The following ABCC10 variants were observed in gnomAD, a reference collection of about 807,000 sequenced individuals.
ABCC10 encodes the protein ATP-binding cassette sub-family C member 10.
ABCC10 carries 110 observed loss-of-function variants against 143.2 expected under a neutral mutation model. The ratio of observed to expected loss-of-function variants is 0.77; its 90% CI spans 0.66 to 0.90. The LOEUF (loss-of-function observed/expected upper bound fraction) is 0.90. Among genes scored for constraint, ABCC10 ranks in the 40% least tolerant of loss-of-function variants. ABCC10 has a pLI of 0.00. For synonymous variants in ABCC10, 805 were observed against 846.7 expected (o/e 0.95, Z 0.85); for missense variants, 1,700 against 1,900.5 (o/e 0.89, Z 1.96).
chr6:43,448,632 A>T (rs1332336103), intron 18 of ABCC10, among the ~76,000 whole-genome samples: 2 of 152,120 alleles, frequency 1.3e-5, no homozygotes. Flanking sequence ...CACCTCCGTG[A>T]AATGTAGGCA....
chr6:43,449,959 G>T lies in ABCC10; in HGVS notation c.4347G>T (p.Val1449=), dbSNP rs1783599801. The T allele has an allele frequency of 6.2e-7, 1 of 1,613,958 alleles. No homozygotes were observed. Among genetic ancestry groups the T allele is most frequent in the Non-Finnish European group, 8.5e-7 (1 of 1,180,010 alleles). The change falls in exon 22 of 22, where the codon GTG becomes GTT. Residue 1449 remains valine, a synonymous_variant. Transcript: ENST00000372530. ...RLNTILNSDR[V]LVLQAGRVVE... ...ACACGATCCTGAACTCAGACCGGGT[G>T]CTGGTGCTACAAGCGGGGAGAGTGG...
chr6:43,429,354 C>CTTTCT (rs1447074957), intron 2 of ABCC10, among the ~76,000 whole-genome samples: 3 of 4,046 alleles, frequency 7.4e-4, no homozygotes, highest in Admixed American at 2.0e-3. Context: ...TCTTTCTTTT[C>CTTTCT]TTTCTTTCTT....
At chr6:43,428,583 C>A (rs542206721) in intron 2 of ABCC10, among the ~76,000 whole-genome samples, 1 of 152,296 alleles carries the variant, frequency 6.6e-6, no homozygotes, top group Admixed American at 6.5e-5. Flanking sequence ...TTAAGAAAAG[C>A]ATACCTAGGC....
chr6:43,441,925 C>G lies in ABCC10; in HGVS notation c.2191C>G (p.Arg731Gly), dbSNP rs376922764. ...GGGTGTCACCCTTAGCGGAGGACAG[C>G]GTGCCCGGATTGCCCTTGCTCGTGC... The part of the protein sequence containing the change: ...EKGVTLSGGQ[R>G]ARIALARAVY... Residue 731 changes from arginine (R) to glycine (G), a missense_variant, in exon 9 of 22, where the codon CGT becomes GGT. Transcript: ENST00000372530. 1.9e-6 allele frequency: 3 copies of G among 1,613,876 alleles called. 1 individual carries two copies. The highest frequency in any genetic ancestry group is 8.5e-7 in the Non-Finnish European group (1 of 1,179,874).
chr6:43,441,441 A>T (rs1054787534), intron 8 of ABCC10, among the ~76,000 whole-genome samples: 2 of 151,826 alleles, frequency 1.3e-5, no homozygotes, highest in African/African-American at 4.8e-5. Flanking sequence ...GTGCCACTGC[A>T]CTCCAGCCTG....
rs1562202899 is a variant in ABCC10 at position 43,447,320 on chromosome 6, C to A, written c.3617C>A (p.Thr1206Lys). The A allele has an allele frequency of 6.2e-7, 1 of 1,613,702 alleles. No individual in the cohort carries two copies. Among genetic ancestry groups the A allele is most frequent in the Admixed American group, 1.7e-5 (1 of 60,020 alleles). Reference protein sequence around the residue: ...GLLSGLVSSFTQTEAMLVSVE... With the variant: ...GLLSGLVSSFKQTEAMLVSVE... ...CTCTCGGGCCTGGTGAGCAGCTTCA[C>A]ACAGACAGAGGCCATGCTGGTGAGC... is the stretch of plus-strand genomic sequence containing the variant. Residue 1206 changes from threonine (T) to lysine (K), a missense_variant, in exon 17 of 22, where the codon ACA becomes AAA. Thr to Lys is a moderately conservative substitution (Grantham distance 78, BLOSUM62 -1). Transcript: ENST00000372530.
At chr6:43,441,081 C>T (rs570743426) in intron 8 of ABCC10, among the ~76,000 whole-genome samples, 249 of 150,354 alleles carry the variant, frequency 1.7e-3, no homozygotes, top group African/African-American at 5.5e-3. Flanking sequence ...CCAGCCTGGG[C>T]GACAGAGCAA....
chr6:43,444,495 G>C (rs1581771640), intron 12 of ABCC10, 142 bp downstream of exon 12: 1 of 1,180,104 alleles, frequency 8.5e-7, no homozygotes. Context: ...CTAATTCTGA[G>C]AGATGCCCAG....
chr6:43,444,309 AG>A lies in ABCC10; in HGVS notation c.2648del (p.Gly883AlafsTer4). The A allele has an allele frequency of 6.2e-7, 1 of 1,613,564 alleles. No homozygotes were observed. Among genetic ancestry groups the A allele is most frequent in the Admixed American group, 1.7e-5 (1 of 59,914 alleles). On this transcript the variant is annotated frameshift_variant, in exon 12 of 22. Coordinates refer to ENST00000372530, the MANE Select transcript of ABCC10 (RefSeq NM_001198934.2). LOFTEE classifies it high-confidence loss of function. ...VYQAYWKAVG[Q>X]GLALAILFSL... ...CAAGCTTACTGGAAGGCCGTGGGCC[AG>A]GGCTTGGCCTTAGCCATCCTCTTCT...
chr6:43,446,800 G>A, intron 16 of ABCC10: 1 of 1,171,382 alleles, frequency 8.5e-7, no homozygotes, highest in Non-Finnish European at 1.1e-6. Flanking sequence ...CTGGCCTCCT[G>A]TGCTCCTGGC....
rs910377794 is a variant in ABCC10, at chr6:43,443,282, T to C, written c.2416+123T>C. 3 of 1,012,554 alleles carry C rather than the reference T, an allele frequency of 3.0e-6. No homozygotes were observed. The highest frequency in any genetic ancestry group is 4.1e-6 in the Non-Finnish European group (3 of 726,832). 62.7% of individuals were successfully genotyped at this position (1,012,554 alleles called of 1,614,324 possible). A position where few individuals can be genotyped will look rare whatever the true frequency, so the allele number is the denominator to read the frequency against. On this transcript the variant is annotated intron_variant, in intron 10 of 21. Coordinates refer to ENST00000372530, the MANE Select transcript of ABCC10 (RefSeq NM_001198934.2). This position sits in a 1 kb window ranked among gnomAD's most constrained non-coding sequence, Gnocchi z 4.2. ...GAGCCAGTCATTGCTGCCTCCCGCC[T>C]TCACAGAACTGGTGTGAGGAACTGG...
At chr6:43,444,063 A>G in intron 11 of ABCC10, 53 bp downstream of exon 11, 5 of 1,608,936 alleles carry the variant, frequency 3.1e-6, no homozygotes, top group Non-Finnish European at 4.3e-6. Context: ...CACACTGTAG[A>G]GCTTTTTCTA....
chr6:43,437,782 TGAAGC>T, intron 6 of ABCC10, 147 bp from the exon 7 acceptor site: 1 of 711,228 alleles, frequency 1.4e-6, no homozygotes, highest in Non-Finnish European at 2.4e-6. Context: ...GATCAGCCTG[TGAAGC>T]GGAGAATTCT....
In ABCC10 at chr6:43,450,302, C is replaced by A. The variant is rs1783626992; in HGVS notation, c.*211C>A. ...CCCCAGAACCAGGCCTCTGCTCTGGCCCTCTTGCATCTGGAACGCCAGGTG... is the reference window on the plus strand; with the variant it reads ...CCCCAGAACCAGGCCTCTGCTCTGGACCTCTTGCATCTGGAACGCCAGGTG... On this transcript the variant is annotated 3_prime_UTR_variant, in exon 22 of 22. Transcript: ENST00000372530. The surrounding 1 kb of genome is among the most constrained non-coding windows in gnomAD (Gnocchi z 4.5). 1 of 824,954 alleles carries A rather than the reference C, an allele frequency of 1.2e-6. No homozygotes were observed. The highest frequency in any genetic ancestry group is 2.9e-5 in the East Asian group (1 of 34,972). 51.1% of individuals were successfully genotyped at this position (824,954 alleles called of 1,614,324 possible).
At position 43,443,885 on chromosome 6, in the gene ABCC10, G is replaced by A. The variant is rs763955955; in HGVS notation, c.2417-48G>A. On this transcript the variant is annotated intron_variant, in intron 10 of 21. Coordinates refer to ENST00000372530, the MANE Select transcript of ABCC10 (RefSeq NM_001198934.2). The surrounding 1 kb of genome is among the most constrained non-coding windows in gnomAD (Gnocchi z 4.2). ...CTGCACACGCACTGAGAAAGGCATAGTATAGACTCAGAACAGTCCTCTCCC... is the reference window on the plus strand; with the variant it reads ...CTGCACACGCACTGAGAAAGGCATAATATAGACTCAGAACAGTCCTCTCCC... The A allele has an allele frequency of 7.1e-6, 11 of 1,550,084 alleles. No individual in the cohort carries two copies. The highest frequency in any genetic ancestry group is 6.2e-6 in the Non-Finnish European group (7 of 1,121,646).
chr6:43,427,869 G>C (rs762194626), intron 1 of ABCC10, 99 bp from the exon 2 acceptor site: 1 of 1,407,498 alleles, frequency 7.1e-7, no homozygotes, highest in African/African-American at 1.4e-5. Context: ...GGGCGGTCCC[G>C]GTTCCAGGGC....
chr6:43,442,964 C>G lies in ABCC10; in HGVS notation c.2227-6C>G. ...TGGTGCCCACGGTACCCTCACGTCT[C>G]CATAGGAAAAGGAGCTCTATCTCCT... is the stretch of plus-strand genomic sequence containing the variant. On this transcript the variant is annotated splice_polypyrimidine_tract_variant and splice_region_variant and intron_variant, in intron 9 of 21. Transcript: ENST00000372530. 2.5e-6 allele frequency: 4 copies of G among 1,573,924 alleles called. No homozygotes were observed. The highest frequency in any genetic ancestry group is 3.4e-6 in the Non-Finnish European group (4 of 1,159,736).
At chr6:43,448,124 G>A (rs1783323443) in intron 18 of ABCC10, 187 bp downstream of exon 18, 2 of 933,580 alleles carry the variant, frequency 2.1e-6, no homozygotes, top group African/African-American at 1.6e-5. Context: ...TTCATGGCTG[G>A]TGATCTCAAG....
rs202108558 is a variant in ABCC10, at chr6:43,447,713, C to T, written c.3735C>T (p.Gly1245=). The T allele has an allele frequency of 4.5e-5, 73 of 1,614,092 alleles. No individual in the cohort carries two copies. In the East Asian group the frequency reaches 1.1e-3, roughly 25 times the overall value. ...QLGTGWLTQG[G]VEFQDVVLAY... is the part of the protein sequence containing the mutation. ...GCACCGGCTGGCTGACCCAGGGGGG[C>T]GTGGAGTTCCAGGACGTGGTGTTGG... The change falls in exon 18 of 22, where the codon GGC becomes GGT. Residue 1245 remains glycine, a synonymous_variant. Coordinates refer to ENST00000372530, the MANE Select transcript of ABCC10 (RefSeq NM_001198934.2).
Sources: allele counts gnomAD v4.1 joint callset (sites outside exome capture counted in the v4.1 genomes callset), GRCh38; gene constraint gnomAD v4.1.1; non-coding constraint Gnocchi (gnomAD v3.1); transcripts MANE v1.5; gene names NCBI Gene and HGNC (gene_info 2026-07-23, HGNC 2026-07-21).